Variants in SSH2 observed in about 807,000 individuals in gnomAD.
The protein encoded by SSH2 is slingshot protein phosphatase 2.
Under a neutral mutation model 135.2 loss-of-function variants are expected in SSH2, and 37 were observed. That is an observed-to-expected ratio of 0.27 (90% CI 0.21 to 0.36). The LOEUF is 0.36. Ranked by LOEUF, SSH2 falls within the 10% of genes least tolerant of loss-of-function variation. SSH2 has a pLI of 1.00. For synonymous variants in SSH2, 628 were observed against 646.2 expected (o/e 0.97, Z 0.43); for missense variants, 1,408 against 1,765.3 (o/e 0.80, Z 3.63).
intron 3 of SSH2, among the ~76,000 whole-genome samples, chr17:29,747,696 C>T (rs1395329408): frequency 6.6e-6 from 1 of 152,138 alleles, no homozygotes; most frequent in Non-Finnish European, 1.5e-5. Flanking sequence ...TTTTTTCTTT[C>T]CACCTTAGAA....
At chr17:29,705,012 G>A (rs970860054) in intron 3 of SSH2, among the ~76,000 whole-genome samples, 5 of 152,124 alleles carry the variant, frequency 3.3e-5, no homozygotes, top group Admixed American at 6.6e-5. Flanking sequence ...TTAAATTGAC[G>A]TTGCCAAAAC....
At chr17:29,699,402 G>C (rs1176651689) in intron 4 of SSH2, among the ~76,000 whole-genome samples, 1 of 152,222 alleles carries the variant, frequency 6.6e-6, no homozygotes, top group Non-Finnish European at 1.5e-5. Context: ...TCAACTTGCA[G>C]TTACTGTGGG....
At chr17:29,788,905 C>G (rs1220352991) in intron 3 of SSH2, among the ~76,000 whole-genome samples, 1 of 152,156 alleles carries the variant, frequency 6.6e-6, no homozygotes, top group Non-Finnish European at 1.5e-5. Context: ...CTTCCATCTT[C>G]TTAGAGAATA....
At chr17:29,682,602 TG>T (rs1567873486) in intron 6 of SSH2, among the ~76,000 whole-genome samples, 2 of 151,372 alleles carry the variant, frequency 1.3e-5, no homozygotes, top group African/African-American at 4.9e-5. Context: ...AGAGAGACTG[TG>T]TTCTTCACAA....
At chr17:29,915,836 T>C (rs1470919484) in intron 1 of SSH2, among the ~76,000 whole-genome samples, 1 of 151,594 alleles carries the variant, frequency 6.6e-6, no homozygotes, top group Middle Eastern at 3.2e-3. Context: ...TTTATATATA[T>C]ATTTTTATTA....
At chr17:29,821,620 C>T (rs1435406607) in intron 2 of SSH2, among the ~76,000 whole-genome samples, 2 of 151,272 alleles carry the variant, frequency 1.3e-5, no homozygotes, top group Non-Finnish European at 2.9e-5. Flanking sequence ...AAAAATCCAA[C>T]CAATCAACTA....
chr17:29,840,217 T>C (rs974349266), intron 2 of SSH2, among the ~76,000 whole-genome samples: 2 of 152,206 alleles, frequency 1.3e-5, no homozygotes, highest in Admixed American at 6.5e-5. Flanking sequence ...GGAGCTTTTA[T>C]TTGGTTAATT....
intron 1 of SSH2, among the ~76,000 whole-genome samples, chr17:29,887,944 A>T (rs1274076306): frequency 6.6e-6 from 1 of 152,210 alleles, no homozygotes; most frequent in Non-Finnish European, 1.5e-5. Context: ...TTATGAAAGA[A>T]ACTATGCTGA....
chr17:29,698,710 T>C (rs1208338783), intron 4 of SSH2, among the ~76,000 whole-genome samples: 3 of 152,142 alleles, frequency 2.0e-5, no homozygotes, highest in African/African-American at 7.2e-5. Flanking sequence ...TTGCCCAGGC[T>C]GGTCCCAAAC....
chr17:29,928,515 ACT>A (rs1409868184), intron 1 of SSH2: 6 of 398,562 alleles, frequency 1.5e-5, no homozygotes, highest in African/African-American at 1.2e-4. Flanking sequence ...AGTGCACTCC[ACT>A]GTTACAAATT....
chr17:29,647,933 G>C (rs1297259070), intron 14 of SSH2: 1 of 529,782 alleles, frequency 1.9e-6, no homozygotes, highest in South Asian at 2.1e-5. Context: ...AAAGTGCTGG[G>C]ATTACAGGCG....
intron 8 of SSH2, among the ~76,000 whole-genome samples, chr17:29,675,152 G>A (rs1159195584): frequency 6.6e-6 from 1 of 152,094 alleles, no homozygotes; most frequent in South Asian, 2.1e-4. Flanking sequence ...TGCAAAATAT[G>A]CCCTAACTCT....
intron 3 of SSH2, among the ~76,000 whole-genome samples, chr17:29,725,398 C>A (rs1344191922): frequency 7.1e-6 from 1 of 141,102 alleles, no homozygotes; most frequent in Non-Finnish European, 1.5e-5. Context: ...TGGGTATATA[C>A]CCAAAAGATT....
intron 3 of SSH2, among the ~76,000 whole-genome samples, chr17:29,720,726 TAA>T (rs879703515): frequency 6.9e-6 from 1 of 144,546 alleles, no homozygotes. Flanking sequence ...TAACTTTTGT[TAA>T]AAAAAAAAAA....
At chr17:29,806,489 A>G (rs1433358728) in intron 2 of SSH2, among the ~76,000 whole-genome samples, 1 of 152,166 alleles carries the variant, frequency 6.6e-6, no homozygotes, top group East Asian at 1.9e-4. Context: ...AAGACCCCAC[A>G]CTTGGTCCAT....
At chr17:29,726,207 G>A (rs2039998232) in intron 3 of SSH2, among the ~76,000 whole-genome samples, 1 of 152,190 alleles carries the variant, frequency 6.6e-6, no homozygotes, top group Admixed American at 6.5e-5. Flanking sequence ...AGCCTGGGTA[G>A]GCATTAGTCA....
At chr17:29,761,889 T>A (rs1185101181) in intron 3 of SSH2, among the ~76,000 whole-genome samples, 59 of 133,412 alleles carry the variant, frequency 4.4e-4, no homozygotes, top group African/African-American at 1.5e-3. Flanking sequence ...ATATATATAT[T>A]TTTTTTTGAG....
At chr17:29,927,437 G>C (rs2067086796) in intron 1 of SSH2, among the ~76,000 whole-genome samples, 1 of 152,104 alleles carries the variant, frequency 6.6e-6, no homozygotes, top group African/African-American at 2.4e-5. Flanking sequence ...ACACTAAAGA[G>C]CTGGCAGTAT....
chr17:29,755,920 C>T (rs2041102682), intron 3 of SSH2, among the ~76,000 whole-genome samples: 1 of 149,462 alleles, frequency 6.7e-6, no homozygotes, highest in Admixed American at 6.6e-5. Flanking sequence ...CTCGGCCTCC[C>T]AAAGTGCTGG....
Sources: allele counts gnomAD v4.1 joint callset (sites outside exome capture counted in the v4.1 genomes callset), GRCh38; gene constraint gnomAD v4.1.1; transcripts MANE v1.5; gene names NCBI Gene and HGNC (gene_info 2026-07-23, HGNC 2026-07-21).